Variants in MAMSTR observed in about 807,000 individuals in gnomAD.
MAMSTR encodes MEF2 activating motif and SAP domain containing transcriptional regulator.
Under a neutral mutation model 42.7 loss-of-function variants are expected in MAMSTR, and 41 were observed. The observed-to-expected ratio is 0.96, with a 90% CI of 0.75 to 1.25. MAMSTR has a LOEUF of 1.25. Among genes scored for constraint, MAMSTR ranks in the 50% most tolerant of loss-of-function variants. The pLI is 0.00. For synonymous variants in MAMSTR, 265 were observed against 244.1 expected, an observed-to-expected ratio of 1.09 and a Z score of -0.80; for missense variants, 567 against 557.6, an observed-to-expected ratio of 1.02 and a Z score of -0.17.
At chr19:48,707,073 T>C in the MAMSTR span, among the ~76,000 whole-genome samples, 4 of 151,890 alleles carry the variant, frequency 2.6e-5, no homozygotes, top group East Asian at 5.8e-4. Context: ...AGCCACTGCA[T>C]TCCAAAGTCG....
the MAMSTR span, among the ~76,000 whole-genome samples, chr19:48,706,323 C>A: frequency 6.7e-6 from 1 of 149,378 alleles, no homozygotes; most frequent in Non-Finnish European, 1.5e-5. Context: ...TAGATGGAAT[C>A]CTATTACAAG....
rs1048729125 is a variant in MAMSTR, at chr19:48,715,390, T to C, written c.297A>G (p.Thr99=). ...WRESKPRGNL[T]YHQYMPPEPR... Reference sequence around the variant, plus strand: ...GCTCTGGGGGCATGTACTGGTGGTATGTCAAGTTCCCCCTGGGCTTGGACT... The same window carrying C: ...GCTCTGGGGGCATGTACTGGTGGTACGTCAAGTTCCCCCTGGGCTTGGACT... Residue 99 remains threonine, a synonymous_variant, in exon 5 of 10, where the codon ACA becomes ACG. Coordinates refer to ENST00000318083, the MANE Select transcript of MAMSTR (RefSeq NM_001130915.2). 1.6e-5 allele frequency: 24 copies of C among 1,523,652 alleles called. No homozygotes were observed. The Admixed American group carries it at 5.5e-4, about 35-fold the overall frequency. 94.4% of individuals were successfully genotyped at this position (1,523,652 alleles called of 1,614,324 possible). A position where few individuals can be genotyped will look rare whatever the true frequency, so the allele number is the denominator to read the frequency against.
downstream of MAMSTR, among the ~76,000 whole-genome samples, chr19:48,710,896 A>G (rs551749322): frequency 1.3e-5 from 2 of 152,128 alleles, no homozygotes; most frequent in East Asian, 3.9e-4. Context: ...CAAAACCTAC[A>G]TTTTAAAACA....
chr19:48,707,789 A>T (rs1462257865), downstream of MAMSTR, among the ~76,000 whole-genome samples: 2 of 127,458 alleles, frequency 1.6e-5, no homozygotes, highest in Admixed American at 1.6e-4. Context: ...GAAAAGAAAG[A>T]AACAAAGAAG....
chr19:48,718,862 CT>C, intron 2 of MAMSTR, 111 bp downstream of exon 2: 1 of 1,104,350 alleles, frequency 9.1e-7, no homozygotes, highest in Non-Finnish European at 1.3e-6. Flanking sequence ...GCAACATGAC[CT>C]TTTGCACAAA....
downstream of MAMSTR, among the ~76,000 whole-genome samples, chr19:48,710,739 G>A (rs2032710335): frequency 6.6e-6 from 1 of 151,758 alleles, no homozygotes; most frequent in Non-Finnish European, 1.5e-5. Flanking sequence ...TGGGATTAAA[G>A]GCGCATGCCC....
chr19:48,713,645 C>T (rs1439457571), intron 9 of MAMSTR, 71 bp downstream of exon 9: 3 of 1,607,146 alleles, frequency 1.9e-6, no homozygotes, highest in Non-Finnish European at 2.6e-6. Flanking sequence ...CCCCAGCTCA[C>T]GCCTCCCTTG....
chr19:48,708,231 C>CA (rs66744711), downstream of MAMSTR, among the ~76,000 whole-genome samples: 9,461 of 117,622 alleles, frequency 0.08, 473 homozygotes, highest in Non-Finnish European at 0.12. Flanking sequence ...TGAACTCCAT[C>CA]AAAAAAAAAA....
In MAMSTR at chr19:48,715,728, G is replaced by A; in HGVS notation, c.137C>T (p.Pro46Leu). The A allele has an allele frequency of 1.3e-6, 2 of 1,543,688 alleles. No homozygotes were observed. Among genetic ancestry groups the A allele is most frequent in the Non-Finnish European group, 1.7e-6 (2 of 1,145,210 alleles). ...GCCCGAGGGCAAGGCCGGGGCCAGA[G>A]GAGGGTCTGAGGCTGAGATCCACGG... Reference protein sequence around the residue: ...PDPWISASDPPLAPALPSGTA... With the variant: ...PDPWISASDPLLAPALPSGTA... Residue 46 changes from proline to leucine, a missense_variant, in exon 4 of 10, where the codon CCT (proline) becomes CTT (leucine). Physicochemically the swap from Pro to Leu is moderately conservative, Grantham distance 98. Coordinates refer to ENST00000318083, the MANE Select transcript of MAMSTR (RefSeq NM_001130915.2).
the MAMSTR span, among the ~76,000 whole-genome samples, chr19:48,706,115 G>A: frequency 6.6e-6 from 1 of 151,530 alleles, no homozygotes. Context: ...GTGAAACCCT[G>A]TCTCTACTAA....
chr19:48,713,779 G>A lies in MAMSTR; in HGVS notation c.910-9C>T. ...CCCCGGTTAGGAAGCAACTGCGGAT[G>A]GAGAAATTTGGCGTGAACTCGGGAC... On this transcript the variant is annotated splice_polypyrimidine_tract_variant and intron_variant, in intron 8 of 9. Coordinates refer to ENST00000318083, the MANE Select transcript of MAMSTR (RefSeq NM_001130915.2). The A allele has an allele frequency of 6.2e-7, 1 of 1,614,210 alleles. No individual in the cohort carries two copies. The highest frequency in any genetic ancestry group is 8.5e-7 in the Non-Finnish European group (1 of 1,180,040).
downstream of MAMSTR, among the ~76,000 whole-genome samples, chr19:48,711,342 C>G (rs2032721612): frequency 6.6e-6 from 1 of 152,118 alleles, no homozygotes; most frequent in Non-Finnish European, 1.5e-5. Context: ...CCCAGCTGGG[C>G]CCAGCCTTCA....
intron 2 of MAMSTR, among the ~76,000 whole-genome samples, chr19:48,717,944 A>C (rs2033107212): frequency 2.0e-5 from 3 of 151,830 alleles, no homozygotes; most frequent in African/African-American, 7.2e-5. Flanking sequence ...AGCTCAGGCA[A>C]TCCGCCCGCC....
Position 48,714,396 on chromosome 19 carries a change from C to A in MAMSTR, c.693G>T (p.Lys231Asn). Residue 231 changes from lysine to asparagine, a missense_variant, in exon 7 of 10, where the codon AAG becomes AAT. Coordinates refer to ENST00000318083, the MANE Select transcript of MAMSTR (RefSeq NM_001130915.2). ...AGAPWPRLKP[K>N]ALAAARRQGS... is the part of the protein sequence containing the mutation. ...CCTGACGCCGGGCGGCTGCCAGGGC[C>A]TTGGGCTTGAGGCGCGGCCAGGGAG... The A allele has an allele frequency of 7.2e-7, 1 of 1,385,980 alleles. No homozygotes were observed. The allele number at this position is 1,385,980 out of a possible 1,614,324, so 85.9% of individuals were successfully genotyped here.
At chr19:48,710,740 G>A (rs1021747589), downstream of MAMSTR, among the ~76,000 whole-genome samples, 1 of 151,714 alleles carries the variant, frequency 6.6e-6, no homozygotes, top group Non-Finnish European at 1.5e-5. Context: ...GGGATTAAAG[G>A]CGCATGCCCA....
Position 48,713,947 on chromosome 19 carries a change from TG to T in MAMSTR, c.821del (p.Ala274GlufsTer5). 6.2e-7 allele frequency: 1 copy of T among 1,613,490 alleles called. No individual in the cohort carries two copies. The highest frequency in any genetic ancestry group is 1.1e-5 in the South Asian group (1 of 91,024). The stretch of plus-strand genomic sequence containing the variant: ...CTGAGGAAGGGGTCAGGGCTGGAGC[TG>T]CAGCAGGAGCCGGAGTGGGAGTTGG... ...PAPTPTPAPAAAPALTPSSGP... is the reference protein window; with the variant it reads ...PAPTPTPAPAXAPALTPSSGP... On this transcript the variant is annotated frameshift_variant, in exon 8 of 10. Coordinates refer to ENST00000318083, the MANE Select transcript of MAMSTR (RefSeq NM_001130915.2). LOFTEE classifies it high-confidence loss of function.
At chr19:48,708,050 C>T (rs763755816), downstream of MAMSTR, among the ~76,000 whole-genome samples, 5 of 151,816 alleles carry the variant, frequency 3.3e-5, no homozygotes, top group African/African-American at 1.2e-4. Context: ...GCCTGACCAA[C>T]GTGGAGAAAC....
At chr19:48,713,610 C>T in intron 9 of MAMSTR, 60 bp from the exon 10 acceptor site, 1 of 1,600,426 alleles carries the variant, frequency 6.2e-7, no homozygotes, top group Non-Finnish European at 8.5e-7. Context: ...GCCAGCCCCC[C>T]ATACCCCATT....
At chr19:48,715,131 TG>T in intron 5 of MAMSTR, 130 bp downstream of exon 5, 1 of 793,266 alleles carries the variant, frequency 1.3e-6, no homozygotes, top group Non-Finnish European at 2.0e-6. Context: ...GCTGGGATCC[TG>T]GACTCTTAAA....
Sources: allele counts gnomAD v4.1 joint callset (sites outside exome capture counted in the v4.1 genomes callset), GRCh38; gene constraint gnomAD v4.1.1; transcripts MANE v1.5; gene names NCBI Gene and HGNC (gene_info 2026-07-23, HGNC 2026-07-21).